DENND1A: variants seen among roughly 807,000 people sequenced by gnomAD.
The protein encoded by DENND1A is DENN domain containing 1A.
Under a neutral mutation model 113.7 loss-of-function variants are expected in DENND1A, and 51 were observed. The observed-to-expected ratio is 0.45, with a 90% CI of 0.36 to 0.57. The LOEUF (loss-of-function observed/expected upper bound fraction) is 0.57, where lower values mean the gene tolerates loss of function less well. Among genes scored for constraint, DENND1A ranks in the 20% least tolerant of loss-of-function variants. DENND1A has a pLI of 0.00. For missense variants in DENND1A, 1,258 were observed against 1,395.9 expected, an observed-to-expected ratio of 0.90 and a Z score of 1.57; for synonymous variants, 565 against 570.8, an observed-to-expected ratio of 0.99 and a Z score of 0.14.
chr9:123,383,215 G>T (rs948577251), intron 23 of DENND1A, among the ~76,000 whole-genome samples: 1 of 152,214 alleles, frequency 6.6e-6, no homozygotes, highest in Non-Finnish European at 1.5e-5. Context: ...GGCACCGAGC[G>T]GGGATGTGAT....
chr9:123,507,196 C>CAAAGAAAG (rs899735827), intron 13 of DENND1A, among the ~76,000 whole-genome samples: 1 of 151,850 alleles, frequency 6.6e-6, no homozygotes, highest in African/African-American at 2.4e-5. Flanking sequence ...CTCAAAAAGA[C>CAAAGAAAG]AAAGAAAGAA....
At chr9:123,766,615 T>C (rs1485401130) in intron 4 of DENND1A, among the ~76,000 whole-genome samples, 1 of 152,178 alleles carries the variant, frequency 6.6e-6, no homozygotes, top group Non-Finnish European at 1.5e-5. Context: ...TGAAACGTAT[T>C]TGTCTGGGAG....
Position 123,450,714 on chromosome 9 carries a change from C to T in DENND1A, c.1335G>A (p.Val445=). 1.2e-6 allele frequency: 2 copies of T among 1,610,302 alleles called. No homozygotes were observed. The highest frequency in any genetic ancestry group is 2.2e-5 in the South Asian group (2 of 89,790). The part of the protein sequence containing the change: ...KDHAKMGIKE[V]KNRLKQKDIA... ...GTACCTTTTGCTTCAAGCGGTTTTT[C>T]ACCTCTTTTATTCCCATTTTTGCAT... is the stretch of plus-strand genomic sequence containing the variant. Residue 445 remains valine (V), a synonymous_variant, in exon 18 of 24, where the codon GTG becomes GTA. Transcript: ENST00000394215.
chr9:123,380,504 G>A lies in DENND1A; in HGVS notation c.*928C>T, dbSNP rs1237837915. 1 of 152,464 alleles carries A rather than the reference G, an allele frequency of 6.6e-6. No homozygotes were observed. Among genetic ancestry groups the A allele is most frequent in the South Asian group, 2.1e-4 (1 of 4,830 alleles). 9.4% of individuals were successfully genotyped at this position (152,464 alleles called of 1,614,324 possible). On this transcript the variant is annotated 3_prime_UTR_variant, in exon 24 of 24. Transcript: ENST00000394215. ...GCCTCGTTCCAACCCAGGAAGGCCA[G>A]CTGCCTTCCACATCAGTCTGAGGCA...
chr9:123,412,883 G>C (rs1326226293), intron 19 of DENND1A, among the ~76,000 whole-genome samples: 1 of 152,180 alleles, frequency 6.6e-6, no homozygotes, highest in Non-Finnish European at 1.5e-5. Context: ...AGCCAAAAGG[G>C]GAGCCAATGT....
intron 2 of DENND1A, among the ~76,000 whole-genome samples, chr9:123,806,619 G>C (rs1200685066): frequency 1.3e-5 from 2 of 152,152 alleles, no homozygotes; most frequent in Non-Finnish European, 2.9e-5. Flanking sequence ...CATCACATCA[G>C]CACTCAGGAA....
chr9:123,806,767 C>T (rs748320333), intron 2 of DENND1A, among the ~76,000 whole-genome samples: 2 of 151,922 alleles, frequency 1.3e-5, no homozygotes, highest in Admixed American at 6.6e-5. Context: ...GTATCCCCAG[C>T]GCCTGGAAAA....
chr9:123,620,249 AG>A (rs1201099243), intron 10 of DENND1A, among the ~76,000 whole-genome samples: 28 of 150,932 alleles, frequency 1.9e-4, no homozygotes, highest in African/African-American at 6.6e-4. Context: ...GAAAAGAAAA[AG>A]AAAAAAAGGA....
intron 19 of DENND1A, among the ~76,000 whole-genome samples, chr9:123,417,141 G>C (rs2044797277): frequency 6.6e-6 from 1 of 152,210 alleles, no homozygotes; most frequent in African/African-American, 2.4e-5. Flanking sequence ...ACAAGCATCG[G>C]TGTGAGGATG....
intron 5 of DENND1A, among the ~76,000 whole-genome samples, chr9:123,748,888 G>A (rs766487214): frequency 2.0e-5 from 3 of 152,096 alleles, no homozygotes; most frequent in Non-Finnish European, 2.9e-5. Flanking sequence ...CAAAAGACAG[G>A]CTCTATTTCA....
At position 123,650,675 on chromosome 9, in the gene DENND1A, G is replaced by A. The variant is rs547968891; in HGVS notation, c.618+1338C>T. On this transcript the variant is annotated intron_variant, in intron 9 of 23. Transcript: ENST00000394215. Reference sequence around the variant, plus strand: ...TAATCCCAGCACTTTGGGAGGCTGAGGTGGGTGGATCACTTGAGGTCAAGA... The same window carrying A: ...TAATCCCAGCACTTTGGGAGGCTGAAGTGGGTGGATCACTTGAGGTCAAGA... Among the ~76,000 whole-genome samples, 6 of 152,248 alleles carry A rather than the reference G, an allele frequency of 3.9e-5. No individual in the cohort carries two copies. The East Asian group carries it at 1.2e-3, about 29-fold the overall frequency.
rs371138017 is a variant in DENND1A at position 123,381,503 on chromosome 9, G to A, written c.3142C>T (p.Pro1048Ser). 39 of 1,613,388 alleles carry A rather than the reference G, an allele frequency of 2.4e-5. No homozygotes were observed. The highest frequency in any genetic ancestry group is 3.3e-4 in the Middle Eastern group (2 of 6,084). ...LLQKTKQDVS[P>S]SPALAPAPDS... is the part of the protein sequence containing the mutation. Reference sequence around the variant, plus strand: ...GGGGCCGGGGCCAGGGCCGGACTCGGGCTCACGTCTTGCTTGGTTTTCTGT... The same window carrying A: ...GGGGCCGGGGCCAGGGCCGGACTCGAGCTCACGTCTTGCTTGGTTTTCTGT... The change falls in exon 24 of 24, where the codon CCG (proline) becomes TCG (serine). Residue 1048 changes from proline (P) to serine (S), a missense_variant. Pro to Ser is a moderately conservative substitution (Grantham distance 74). Coordinates refer to ENST00000394215, the MANE Select transcript of DENND1A (RefSeq NM_001352964.2). The surrounding 1 kb of genome is among the most constrained non-coding windows in gnomAD (Gnocchi z 4.7).
At chr9:123,530,915 C>CTT (rs896007534) in intron 13 of DENND1A, among the ~76,000 whole-genome samples, 1 of 152,076 alleles carries the variant, frequency 6.6e-6, no homozygotes, top group African/African-American at 2.4e-5. Flanking sequence ...TAAATGTGGT[C>CTT]TTTTTCTCTC....
chr9:123,381,825 G>A lies in DENND1A; in HGVS notation c.2820C>T (p.Ala940=), dbSNP rs1344835133. The change falls in exon 24 of 24, where the codon GCC becomes GCT. Residue 940 remains alanine (A), a synonymous_variant. Transcript: ENST00000394215. This position sits in a 1 kb window ranked among gnomAD's most constrained non-coding sequence, Gnocchi z 4.7. The stretch of plus-strand genomic sequence containing the variant: ...AGAGGTTGGGCTGAGACCTGTGAGG[G>A]GCACAGAAGCCAGCACTGGACAGCA... ...GLLLSSAGFC[A]PHRSQPNLSA... The A allele has an allele frequency of 5.3e-6, 8 of 1,507,208 alleles. No homozygotes were observed. Among genetic ancestry groups the A allele is most frequent in the African/African-American group, 2.8e-5 (2 of 71,062 alleles). The allele number at this position is 1,507,208 out of a possible 1,614,324, so 93.4% of individuals were successfully genotyped here. A position where few individuals can be genotyped will look rare whatever the true frequency, so the allele number is the denominator to read the frequency against.
intron 10 of DENND1A, among the ~76,000 whole-genome samples, chr9:123,612,405 T>A (rs534097219): frequency 6.6e-6 from 1 of 152,328 alleles, no homozygotes; most frequent in East Asian, 1.9e-4. Context: ...TTAAAAGAAA[T>A]GTTTGGGGAG....
chr9:123,440,767 C>G (rs747981842), intron 18 of DENND1A, among the ~76,000 whole-genome samples: 1 of 152,212 alleles, frequency 6.6e-6, no homozygotes, highest in Non-Finnish European at 1.5e-5. Context: ...CTTACACAGC[C>G]ATTTTCATTT....
Position 123,381,119 on chromosome 9 carries a change from G to A in DENND1A, c.*313C>T, listed in dbSNP as rs531231169. On this transcript the variant is annotated 3_prime_UTR_variant, in exon 24 of 24. Coordinates refer to ENST00000394215, the MANE Select transcript of DENND1A (RefSeq NM_001352964.2). The surrounding 1 kb of genome is among the most constrained non-coding windows in gnomAD (Gnocchi z 4.7). ...TTCCGGGGGAAGGTGGGTAGGACTCGGTCTGGAGCAATATCATTGGCCCAG... is the reference window on the plus strand; with the variant it reads ...TTCCGGGGGAAGGTGGGTAGGACTCAGTCTGGAGCAATATCATTGGCCCAG... 4 of 346,910 alleles carry A rather than the reference G, an allele frequency of 1.2e-5. No individual in the cohort carries two copies. Among genetic ancestry groups the A allele is most frequent in the African/African-American group, 4.3e-5 (2 of 46,480 alleles). 21.5% of individuals were successfully genotyped at this position (346,910 alleles called of 1,614,324 possible).
chr9:123,749,850 G>A (rs1021441990), intron 5 of DENND1A, among the ~76,000 whole-genome samples: 1 of 152,156 alleles, frequency 6.6e-6, no homozygotes, highest in African/African-American at 2.4e-5. Flanking sequence ...TTAATGACAA[G>A]GAAGTGTTCT....
Position 123,382,272 on chromosome 9 carries a change from T to G in DENND1A, c.2373A>C (p.Ala791=). The G allele has an allele frequency of 6.2e-7, 1 of 1,610,588 alleles. No individual in the cohort carries two copies. The highest frequency in any genetic ancestry group is 8.5e-7 in the Non-Finnish European group (1 of 1,179,592). The change falls in exon 24 of 24, where the codon GCA becomes GCC. Residue 791 remains alanine (A), a synonymous_variant. Coordinates refer to ENST00000394215, the MANE Select transcript of DENND1A (RefSeq NM_001352964.2). ...RPAKLQAAGA[A]LGDVSERLQT... is the part of the protein sequence containing the mutation. ...GCAGCCGCTCTGAGACGTCACCAAGTGCGGCGCCGGCAGCCTGGAGCTTGG... is the reference window on the plus strand; with the variant it reads ...GCAGCCGCTCTGAGACGTCACCAAGGGCGGCGCCGGCAGCCTGGAGCTTGG...
Sources: gnomAD v4.1 joint callset for allele counts (sites outside exome capture counted in the v4.1 genomes callset) on GRCh38, gnomAD v4.1.1 for gene constraint, Gnocchi (gnomAD v3.1) non-coding constraint, MANE v1.5 for transcripts, NCBI Gene and HGNC (gene_info 2026-07-23, HGNC 2026-07-21) for gene names.